CDH1: variants seen among roughly 807,000 people sequenced by gnomAD.
The protein encoded by CDH1 is cadherin 1, also known as cadherin-1.
Under a neutral mutation model 84.5 loss-of-function variants are expected in CDH1, and 35 were observed. That is an observed-to-expected ratio of 0.41 (90% CI 0.32 to 0.55). The LOEUF is 0.55. Among genes scored for constraint, CDH1 ranks in the 20% least tolerant of loss-of-function variants. The probability of loss-of-function intolerance (pLI) is 0.19; values close to 1 mark genes in which losing one functional copy is unlikely to be tolerated. For synonymous variants in CDH1, 417 were observed against 439.0 expected, an observed-to-expected ratio of 0.95 and a Z score of 0.63; for missense variants, 994 against 1,126.6, an observed-to-expected ratio of 0.88 and a Z score of 1.68.
intron 5 of CDH1, among the ~76,000 whole-genome samples, chr16:68,809,538 T>A (rs1960762378): frequency 6.6e-6 from 1 of 151,536 alleles, no homozygotes; most frequent in Non-Finnish European, 1.5e-5. Flanking sequence ...GGATTTTTGT[T>A]TTTTTGAGAC....
intron 11 of CDH1, among the ~76,000 whole-genome samples, chr16:68,820,820 A>G (rs756545176): frequency 6.6e-5 from 10 of 152,036 alleles, no homozygotes; most frequent in Non-Finnish European, 1.3e-4. Context: ...TAATCCCAAC[A>G]CTTTGGGGGT....
chr16:68,755,180 G>C (rs1054831869), intron 2 of CDH1, among the ~76,000 whole-genome samples: 3 of 150,432 alleles, frequency 2.0e-5, no homozygotes, highest in Non-Finnish European at 4.4e-5. Context: ...GGGAGCTGGG[G>C]TGAGAGGATC....
chr16:68,819,399 C>T lies in CDH1; in HGVS notation c.1685C>T (p.Thr562Ile), dbSNP rs587782381. ...GAGCACGTGAAGAACAGCACGTACA[C>T]AGCCCTAATCATAGCTACAGACAAT... Reference protein sequence around the residue: ...DFEHVKNSTYTALIIATDNGS... With the variant: ...DFEHVKNSTYIALIIATDNGS... Residue 562 changes from threonine (T) to isoleucine (I), a missense_variant, in exon 11 of 16, where the codon ACA becomes ATA. By Grantham distance (89) the Thr-to-Ile change is moderately conservative. Transcript: ENST00000261769. The T allele has an allele frequency of 1.2e-6, 2 of 1,613,780 alleles. No homozygotes were observed. Among genetic ancestry groups the T allele is most frequent in the Non-Finnish European group, 8.5e-7 (1 of 1,180,028 alleles).
chr16:68,774,326 C>G (rs1251235246), intron 2 of CDH1, among the ~76,000 whole-genome samples: 1 of 152,154 alleles, frequency 6.6e-6, no homozygotes, highest in Non-Finnish European at 1.5e-5. Flanking sequence ...GGAGTTTGAG[C>G]CTGGCCCACA....
At chr16:68,822,549 C>T in intron 12 of CDH1, 1 of 519,550 alleles carries the variant, frequency 1.9e-6, no homozygotes, top group Non-Finnish European at 3.6e-6. Context: ...CAAACAACAC[C>T]ATTTTTGTGG....
chr16:68,832,390 C>T lies in CDH1; in HGVS notation c.2440-900C>T, dbSNP rs141882612. ...ACTCAGGAGGCTGAGGCCAGAGAAT[C>T]GCTTGAACCCAGGAGGTGGAGGATG... is the stretch of plus-strand genomic sequence containing the variant. On this transcript the variant is annotated intron_variant, in intron 15 of 15. Transcript: ENST00000261769. Among the ~76,000 whole-genome samples the T allele has an allele frequency of 7.1e-3, 1,077 of 151,910 alleles. 19 individuals carry two copies. The highest frequency in any genetic ancestry group is 0.025 in the African/African-American group (1,035 of 41,356).
intron 2 of CDH1, among the ~76,000 whole-genome samples, chr16:68,757,989 T>C (rs1449170921): frequency 6.9e-6 from 1 of 144,584 alleles, no homozygotes; most frequent in Non-Finnish European, 1.5e-5. Flanking sequence ...TTTTTTTGTA[T>C]TTTTTGTAGA....
chr16:68,793,913 A>T (rs1960280777), intron 2 of CDH1, among the ~76,000 whole-genome samples: 1 of 146,750 alleles, frequency 6.8e-6, no homozygotes. Flanking sequence ...TGTGGGCAAC[A>T]GAGCAAGACT....
At chr16:68,745,054 G>T (rs1401422864) in intron 2 of CDH1, among the ~76,000 whole-genome samples, 1 of 152,130 alleles carries the variant, frequency 6.6e-6, no homozygotes, top group African/African-American at 2.4e-5. Context: ...GAACGGGTTT[G>T]TTGTGGCTTA....
chr16:68,751,884 C>T (rs2152117516), intron 2 of CDH1, among the ~76,000 whole-genome samples: 1 of 152,124 alleles, frequency 6.6e-6, no homozygotes, highest in East Asian at 1.9e-4. Flanking sequence ...TCACTGCAAC[C>T]TCAGACTCCA....
At chr16:68,790,592 A>C (rs987531093) in intron 2 of CDH1, among the ~76,000 whole-genome samples, 10 of 152,072 alleles carry the variant, frequency 6.6e-5, no homozygotes, top group Admixed American at 3.9e-4. Flanking sequence ...AATCAAACGC[A>C]TTTCCCTCCC....
At chr16:68,798,360 C>A (rs1179509412) in intron 2 of CDH1, among the ~76,000 whole-genome samples, 1 of 152,116 alleles carries the variant, frequency 6.6e-6, no homozygotes. Context: ...CAACCCAGCC[C>A]TTGCCAGCGT....
chr16:68,761,346 C>G (rs1959223005), intron 2 of CDH1, among the ~76,000 whole-genome samples: 1 of 152,236 alleles, frequency 6.6e-6, no homozygotes, highest in Admixed American at 6.5e-5. Context: ...CTCCCCTGCC[C>G]CCACATGTTT....
At chr16:68,759,338 A>G (rs953025503) in intron 2 of CDH1, among the ~76,000 whole-genome samples, 5 of 152,160 alleles carry the variant, frequency 3.3e-5, no homozygotes, top group Non-Finnish European at 5.9e-5. Context: ...ATCTCTACCA[A>G]TAATAATAGT....
intron 2 of CDH1, among the ~76,000 whole-genome samples, chr16:68,764,519 C>T (rs143903665): frequency 3.3e-5 from 5 of 152,070 alleles, no homozygotes; most frequent in Admixed American, 1.3e-4. Context: ...GAGGCTGCAG[C>T]GAACTGAGAT....
chr16:68,756,157 A>G (rs1312156177), intron 2 of CDH1, among the ~76,000 whole-genome samples: 3 of 145,624 alleles, frequency 2.1e-5, no homozygotes, highest in Admixed American at 1.4e-4. Context: ...TTGTGCATGT[A>G]TACGAGTGTT....
intron 13 of CDH1, among the ~76,000 whole-genome samples, chr16:68,825,119 A>AT (rs199598761): frequency 6.7e-6 from 1 of 150,232 alleles, no homozygotes; most frequent in Non-Finnish European, 1.5e-5. Flanking sequence ...ATTAAAAAAA[A>AT]TTTTTTAAAA....
intron 11 of CDH1, among the ~76,000 whole-genome samples, chr16:68,819,885 C>T (rs1019713513): frequency 2.0e-5 from 3 of 152,126 alleles, no homozygotes; most frequent in African/African-American, 7.2e-5. Context: ...TATTCTTAAA[C>T]AAAGGCATTC....
chr16:68,815,952 G>A (rs750101733), intron 10 of CDH1, among the ~76,000 whole-genome samples, 193 bp downstream of exon 10: 4 of 152,048 alleles, frequency 2.6e-5, no homozygotes, highest in Non-Finnish European at 5.9e-5. Context: ...GCCGTTCTTG[G>A]TCTGATGTGC....
Sources: allele counts gnomAD v4.1 joint callset (sites outside exome capture counted in the v4.1 genomes callset), GRCh38; gene constraint gnomAD v4.1.1; transcripts MANE v1.5; gene names NCBI Gene and HGNC (gene_info 2026-07-23, HGNC 2026-07-21).